Variants in STYX observed in about 807,000 individuals in gnomAD.
STYX encodes the protein serine/threonine/tyrosine-interacting protein.
Under a neutral mutation model 42.7 loss-of-function variants are expected in STYX, and 20 were observed. The ratio of observed to expected loss-of-function variants is 0.47; its 90% CI spans 0.33 to 0.68. The LOEUF (loss-of-function observed/expected upper bound fraction) is 0.68, where lower values mean the gene tolerates loss of function less well. STYX is among the 30% of genes least tolerant of loss of function. STYX has a pLI of 0.02. For missense variants in STYX, 226 were observed against 268.5 expected (o/e 0.84, Z 1.11); for synonymous variants, 78 against 81.9 (o/e 0.95, Z 0.26).
chr14:52,754,035 A>C (rs533512676), intron 4 of STYX, among the ~76,000 whole-genome samples: 1 of 150,858 alleles, frequency 6.6e-6, no homozygotes, highest in South Asian at 2.1e-4. Context: ...GATTACAGGC[A>C]TGTGCCACCA....
chr14:52,746,515 T>C (rs746549614), intron 3 of STYX, 36 bp downstream of exon 3: 2 of 1,528,634 alleles, frequency 1.3e-6, no homozygotes, highest in South Asian at 2.5e-5. Flanking sequence ...GAGAGACTTT[T>C]ATTAACCAAC....
At chr14:52,742,281 C>T (rs1048008084) in intron 1 of STYX, among the ~76,000 whole-genome samples, 2 of 152,198 alleles carry the variant, frequency 1.3e-5, no homozygotes, top group Non-Finnish European at 2.9e-5. Flanking sequence ...TTATCTTTCA[C>T]TGAGGATGTT....
intron 1 of STYX, among the ~76,000 whole-genome samples, chr14:52,740,423 T>C (rs1288104249): frequency 1.3e-5 from 2 of 152,248 alleles, no homozygotes; most frequent in East Asian, 3.8e-4. Flanking sequence ...TGTAACTGTA[T>C]GTTTGCCGTA....
intron 3 of STYX, among the ~76,000 whole-genome samples, chr14:52,747,748 A>G (rs1185873273): frequency 6.6e-6 from 1 of 152,138 alleles, no homozygotes; most frequent in Non-Finnish European, 1.5e-5. Flanking sequence ...TATCTCCTCA[A>G]TGGGAGGCTG....
rs1882406263 is a variant in STYX, at chr14:52,768,825, T to TA, written c.505-15_505-14insA. On this transcript the variant is annotated splice_polypyrimidine_tract_variant and intron_variant, in intron 9 of 10. Coordinates refer to ENST00000354586, the MANE Select transcript of STYX (RefSeq NM_145251.4). Reference sequence around the variant, plus strand: ...TAAATATATAATTAAGTTAATTAACTTATTTTTTTTTTAGGAATATGAAGC... The same window carrying TA: ...TAAATATATAATTAAGTTAATTAACTATATTTTTTTTTTAGGAATATGAAGC... The TA allele has an allele frequency of 6.8e-7, 1 of 1,462,102 alleles. No individual in the cohort carries two copies. The highest frequency in any genetic ancestry group is 2.4e-5 in the East Asian group (1 of 42,082). 90.6% of individuals were successfully genotyped at this position (1,462,102 alleles called of 1,614,324 possible).
chr14:52,732,439 A>C (rs1880770135), intron 1 of STYX, among the ~76,000 whole-genome samples: 1 of 151,182 alleles, frequency 6.6e-6, no homozygotes, highest in Non-Finnish European at 1.5e-5. Context: ...CACCGGGCTA[A>C]TTTTTTTGTA....
rs372604696 is a variant in STYX, at chr14:52,773,469, C to T, written c.*2363C>T. 23 of 152,252 alleles carry T rather than the reference C, an allele frequency of 1.5e-4. No individual in the cohort carries two copies. The East Asian group carries it at 4.1e-3, about 27-fold the overall frequency. 9.4% of individuals were successfully genotyped at this position (152,252 alleles called of 1,614,324 possible). On this transcript the variant is annotated 3_prime_UTR_variant, in exon 11 of 11. Coordinates refer to ENST00000354586, the MANE Select transcript of STYX (RefSeq NM_145251.4). ...TTTCCTGCCTCAGCCTCCCAAGTAG[C>T]TGGGGTTAGAGGCACATGCCACCAT... is the stretch of plus-strand genomic sequence containing the variant.
intron 4 of STYX, among the ~76,000 whole-genome samples, chr14:52,752,424 C>T (rs1349475979): frequency 7.9e-5 from 12 of 151,962 alleles, no homozygotes; most frequent in African/African-American, 1.5e-4. Flanking sequence ...AAGATTGCCC[C>T]ACTGCACTCC....
intron 1 of STYX, 107 bp from the exon 2 acceptor site, chr14:52,744,745 A>T: frequency 1.0e-6 from 1 of 1,004,620 alleles, no homozygotes; most frequent in Non-Finnish European, 1.5e-6. Flanking sequence ...TTCTTAAAGT[A>T]TAATGTAACT....
At chr14:52,770,960 A>G in intron 10 of STYX, 73 bp from the exon 11 acceptor site, 1 of 1,444,548 alleles carries the variant, frequency 6.9e-7, no homozygotes, top group South Asian at 1.2e-5. Context: ...TTAATAACAA[A>G]ATTTTACTTG....
intron 1 of STYX, among the ~76,000 whole-genome samples, chr14:52,741,227 TATA>T (rs746820910): frequency 4.1e-5 from 4 of 96,390 alleles, no homozygotes; most frequent in Admixed American, 1.1e-4. Flanking sequence ...TATATATATA[TATA>T]TTTTTTTTTT....
At chr14:52,770,241 C>T (rs1366197513) in intron 10 of STYX, among the ~76,000 whole-genome samples, 3 of 152,068 alleles carry the variant, frequency 2.0e-5, no homozygotes, top group African/African-American at 7.2e-5. Flanking sequence ...ATATTTTTAT[C>T]TTTATGAATT....
At chr14:52,768,220 A>C (rs545531751) in intron 9 of STYX, among the ~76,000 whole-genome samples, 1 of 152,274 alleles carries the variant, frequency 6.6e-6, no homozygotes, top group South Asian at 2.1e-4. Context: ...ATAATATAGA[A>C]AATGCATAAA....
chr14:52,752,864 T>G (rs890466836), intron 4 of STYX, among the ~76,000 whole-genome samples: 15 of 138,784 alleles, frequency 1.1e-4, no homozygotes, highest in East Asian at 2.2e-4. Flanking sequence ...TTTAATTTTG[T>G]TTTTTTTTGT....
chr14:52,740,006 C>T lies in STYX; in HGVS notation c.58-4846C>T, dbSNP rs559849724. The stretch of plus-strand genomic sequence containing the variant: ...TAAGTTAAAGAATCTAGGCTGGGCG[C>T]GGTGGCTCATGCCTGTAATCCCAGC... On this transcript the variant is annotated intron_variant, in intron 1 of 10. Transcript: ENST00000354586. Among the ~76,000 whole-genome samples the T allele has an allele frequency of 1.3e-3, 193 of 152,160 alleles. 1 individual carries two copies. The highest frequency in any genetic ancestry group is 4.1e-3 in the African/African-American group (169 of 41,526).
At chr14:52,762,375 C>G (rs1882129341) in intron 9 of STYX, among the ~76,000 whole-genome samples, 1 of 152,066 alleles carries the variant, frequency 6.6e-6, no homozygotes, top group African/African-American at 2.4e-5. Flanking sequence ...ATGGCTAGTT[C>G]TAGTTTTTGA....
chr14:52,730,337 G>A lies in STYX; in HGVS notation c.-138G>A, dbSNP rs1880639880. ...CACTGGGACCCTGTAGTCTGCGTGTGTTAGTTGTAATCCCGCCGCCCTCCT... is the reference window on the plus strand; with the variant it reads ...CACTGGGACCCTGTAGTCTGCGTGTATTAGTTGTAATCCCGCCGCCCTCCT... On this transcript the variant is annotated 5_prime_UTR_variant, in exon 1 of 11. Transcript: ENST00000354586. 1 of 798,684 alleles carries A rather than the reference G, an allele frequency of 1.3e-6. No individual in the cohort carries two copies. The highest frequency in any genetic ancestry group is 2.2e-5 in the Admixed American group (1 of 46,242). 49.5% of individuals were successfully genotyped at this position (798,684 alleles called of 1,614,324 possible). A position where few individuals can be genotyped will look rare whatever the true frequency, so the allele number is the denominator to read the frequency against.
rs1049928352 is a variant in STYX, at chr14:52,772,697, A to G, written c.*1591A>G. 5 of 152,584 alleles carry G rather than the reference A, an allele frequency of 3.3e-5. No individual in the cohort carries two copies. Among genetic ancestry groups the G allele is most frequent in the African/African-American group, 1.2e-4 (5 of 41,432 alleles). 9.5% of individuals were successfully genotyped at this position (152,584 alleles called of 1,614,324 possible). On this transcript the variant is annotated 3_prime_UTR_variant, in exon 11 of 11. Coordinates refer to ENST00000354586, the MANE Select transcript of STYX (RefSeq NM_145251.4). ...TTTCCTCTCTATGATGTGATAATAC[A>G]GTAAAAGCTTTCTTACCCAGCATAG...
intron 1 of STYX, among the ~76,000 whole-genome samples, chr14:52,741,621 T>C (rs939006323): frequency 2.4e-4 from 36 of 152,056 alleles, no homozygotes; most frequent in African/African-American, 8.7e-4. Context: ...ATATTTTTAG[T>C]AGAGACAGGG....
Sources: allele counts gnomAD v4.1 joint callset (sites outside exome capture counted in the v4.1 genomes callset), GRCh38; gene constraint gnomAD v4.1.1; transcripts MANE v1.5; gene names NCBI Gene and HGNC (gene_info 2026-07-23, HGNC 2026-07-21).